Variants in GNAZ observed in about 807,000 individuals in gnomAD.
GNAZ encodes the protein guanine nucleotide-binding protein G(z) subunit alpha.
A neutral mutation model predicts 25.4 loss-of-function variants in GNAZ; 3 were observed. The observed-to-expected ratio is 0.12, with a 90% CI of 0.05 to 0.30. The LOEUF (loss-of-function observed/expected upper bound fraction) is 0.30. Among genes scored for constraint, GNAZ ranks in the 10% least tolerant of loss-of-function variants. The pLI is 1.00. For synonymous variants in GNAZ, 211 were observed against 205.7 expected, an observed-to-expected ratio of 1.03 and a Z score of -0.22; for missense variants, 241 against 501.8, an observed-to-expected ratio of 0.48 and a Z score of 4.97.
chr22:23,117,578 A>G (rs913634155), intron 2 of GNAZ, among the ~76,000 whole-genome samples: 4 of 152,246 alleles, frequency 2.6e-5, no homozygotes, highest in Non-Finnish European at 5.9e-5. Context: ...AGGACGTCCC[A>G]GTGCCAAGGC....
chr22:23,103,151 G>C (rs1461225926), intron 2 of GNAZ, among the ~76,000 whole-genome samples: 1 of 152,176 alleles, frequency 6.6e-6, no homozygotes, highest in Non-Finnish European at 1.5e-5. Flanking sequence ...GCTCATACTG[G>C]CTCACAAGAG....
intron 2 of GNAZ, among the ~76,000 whole-genome samples, chr22:23,110,069 C>T (rs1483959903): frequency 1.3e-5 from 2 of 152,202 alleles, no homozygotes; most frequent in African/African-American, 4.8e-5. Context: ...TGACCCTGGT[C>T]ATCCAGCTCT....
In GNAZ at chr22:23,096,008, G is replaced by A; in HGVS notation, c.313G>A (p.Val105Met). Residue 105 changes from valine to methionine, a missense_variant, in exon 2 of 3, where the codon GTG (valine) becomes ATG (methionine). Coordinates refer to ENST00000615612, the MANE Select transcript of GNAZ (RefSeq NM_002073.4). ...FHNPDRAYDA[V>M]QLFALTGPAE... ...CAACCCCGACCGCGCCTACGACGCT[G>A]TGCAGCTCTTTGCGCTGACGGGCCC... The A allele has an allele frequency of 6.2e-7, 1 of 1,608,064 alleles. No homozygotes were observed. The highest frequency in any genetic ancestry group is 8.5e-7 in the Non-Finnish European group (1 of 1,179,966).
chr22:23,120,499 C>G (rs2069985232), intron 2 of GNAZ, among the ~76,000 whole-genome samples: 1 of 152,184 alleles, frequency 6.6e-6, no homozygotes, highest in Non-Finnish European at 1.5e-5. Context: ...GTTTCCGCAT[C>G]AGTGAGGTGG....
At chr22:23,086,870 A>C (rs1028139994) in intron 1 of GNAZ, among the ~76,000 whole-genome samples, 39 of 152,346 alleles carry the variant, frequency 2.6e-4, no homozygotes, top group African/African-American at 9.4e-4. Context: ...CCTCAGCAAC[A>C]GAGAGCTGCC....
intron 2 of GNAZ, among the ~76,000 whole-genome samples, chr22:23,116,463 G>GC (rs1387022505): frequency 1.3e-5 from 2 of 152,218 alleles, no homozygotes; most frequent in Non-Finnish European, 2.9e-5. Flanking sequence ...CTCCCACCCG[G>GC]CCCAGTCCCT....
At chr22:23,103,738 G>C (rs2069374003) in intron 2 of GNAZ, among the ~76,000 whole-genome samples, 1 of 152,230 alleles carries the variant, frequency 6.6e-6, no homozygotes, top group African/African-American at 2.4e-5. Flanking sequence ...TGTTCACCCA[G>C]TATGTGTGGG....
chr22:23,095,719 G>A lies in GNAZ; in HGVS notation c.24G>A (p.Glu8=), dbSNP rs1198170823. The change falls in exon 2 of 3, where the codon GAG becomes GAA. Residue 8 remains glutamate, a synonymous_variant. Coordinates refer to ENST00000615612, the MANE Select transcript of GNAZ (RefSeq NM_002073.4). ...CCATGGGATGTCGGCAAAGCTCAGA[G>A]GAAAAAGAAGCAGCCCGGCGGTCCC... MGCRQSS[E]EKEAARRSRR... is the part of the protein sequence containing the mutation. 1.9e-6 allele frequency: 3 copies of A among 1,610,352 alleles called. No individual in the cohort carries two copies. Among genetic ancestry groups the A allele is most frequent in the Non-Finnish European group, 2.5e-6 (3 of 1,178,796 alleles).
At chr22:23,083,063 G>A (rs1425364049) in intron 1 of GNAZ, among the ~76,000 whole-genome samples, 1 of 152,152 alleles carries the variant, frequency 6.6e-6, no homozygotes, top group Non-Finnish European at 1.5e-5. Flanking sequence ...TGAAGGAGGA[G>A]GGTGGGCAGG....
At chr22:23,086,506 C>A (rs1456919390) in intron 1 of GNAZ, among the ~76,000 whole-genome samples, 1 of 152,232 alleles carries the variant, frequency 6.6e-6, no homozygotes, top group Non-Finnish European at 1.5e-5. Flanking sequence ...ACCTTCCTCT[C>A]CTCCCAGTGG....
At position 23,071,177 on chromosome 22, in the gene GNAZ, C is replaced by G. The variant is rs927264371; in HGVS notation, c.-450+607C>G. Among the ~76,000 whole-genome samples, 4 of 152,166 alleles carry G rather than the reference C, an allele frequency of 2.6e-5. No individual in the cohort carries two copies. The highest frequency in any genetic ancestry group is 9.7e-5 in the African/African-American group (4 of 41,422). ...CGACCTGCTGCGATTGTAATACGTT[C>G]CCGGCTCAATATTTTTTCCCTTAAA... On this transcript the variant is annotated intron_variant, in intron 1 of 2. Transcript: ENST00000615612. This position sits in a 1 kb window ranked among gnomAD's most constrained non-coding sequence, Gnocchi z 4.1.
intron 2 of GNAZ, among the ~76,000 whole-genome samples, chr22:23,096,825 C>A (rs988325897): frequency 2.0e-5 from 3 of 152,260 alleles, no homozygotes; most frequent in Non-Finnish European, 2.9e-5. Context: ...GGGTTAAGAG[C>A]TGTTTAGAAG....
rs555252610 is a variant in GNAZ, at chr22:23,108,847, T to C, written c.723+12429T>C. ...CCTGCTGGAGAGGTGGTGTCCCTAT[T>C]TGGGGACTCAGTACTCTGAAGTCAG... On this transcript the variant is annotated intron_variant, in intron 2 of 2. Coordinates refer to ENST00000615612, the MANE Select transcript of GNAZ (RefSeq NM_002073.4). Among the ~76,000 whole-genome samples the C allele has an allele frequency of 2.6e-5, 4 of 152,334 alleles. No homozygotes were observed. The South Asian group carries it at 6.2e-4, about 24-fold the overall frequency.
chr22:23,089,845 AT>A (rs1483948207), intron 1 of GNAZ, among the ~76,000 whole-genome samples: 1 of 152,102 alleles, frequency 6.6e-6, no homozygotes, highest in Non-Finnish European at 1.5e-5. Context: ...AAGGACCAGG[AT>A]GGAGCTCCTT....
At chr22:23,112,057 C>A (rs953568033) in intron 2 of GNAZ, among the ~76,000 whole-genome samples, 4 of 152,210 alleles carry the variant, frequency 2.6e-5, no homozygotes, top group Non-Finnish European at 5.9e-5. Flanking sequence ...CAGGAAAGGA[C>A]AGGCACTGCC....
chr22:23,074,286 C>T (rs1253121373), intron 1 of GNAZ, among the ~76,000 whole-genome samples: 1 of 152,178 alleles, frequency 6.6e-6, no homozygotes, highest in Non-Finnish European at 1.5e-5. Flanking sequence ...TGCAACATCC[C>T]AGGCAGAGAG....
At chr22:23,083,752 C>G (rs1358403484) in intron 1 of GNAZ, among the ~76,000 whole-genome samples, 2 of 152,194 alleles carry the variant, frequency 1.3e-5, no homozygotes, top group Non-Finnish European at 2.9e-5. Flanking sequence ...TGGGGCATCC[C>G]TTCCATTTCT....
intron 1 of GNAZ, among the ~76,000 whole-genome samples, chr22:23,079,561 C>T (rs1467718869): frequency 1.3e-5 from 2 of 152,156 alleles, no homozygotes; most frequent in Admixed American, 6.5e-5. Context: ...GTCAAGCAAG[C>T]GTCGGGAGCA....
chr22:23,111,577 C>G (rs1343905358), intron 2 of GNAZ, among the ~76,000 whole-genome samples: 2 of 152,230 alleles, frequency 1.3e-5, no homozygotes, highest in African/African-American at 2.4e-5. Flanking sequence ...CCCCCAAGGT[C>G]ACTTTAGTAG....
Sources: allele counts gnomAD v4.1 joint callset (sites outside exome capture counted in the v4.1 genomes callset), GRCh38; gene constraint gnomAD v4.1.1; non-coding constraint Gnocchi (gnomAD v3.1); transcripts MANE v1.5; gene names NCBI Gene and HGNC (gene_info 2026-07-23, HGNC 2026-07-21).